Variants in UBE4B observed in about 807,000 individuals in gnomAD.
The protein encoded by UBE4B is ubiquitination factor E4B, also known as ubiquitin conjugation factor E4 B.
Under a neutral mutation model 148.1 loss-of-function variants are expected in UBE4B, and 27 were observed. The observed-to-expected ratio is 0.18, with a 90% CI of 0.13 to 0.25. The LOEUF (loss-of-function observed/expected upper bound fraction) is 0.25, where lower values mean the gene tolerates loss of function less well. UBE4B is among the 10% of genes least tolerant of loss of function. UBE4B has a pLI of 1.00. For synonymous variants in UBE4B, 596 were observed against 619.3 expected (o/e 0.96, Z 0.56); for missense variants, 1,170 against 1,662.4 (o/e 0.70, Z 5.15).
chr1:10,157,104 A>T (rs1427288444), intron 21 of UBE4B, among the ~76,000 whole-genome samples: 1 of 152,058 alleles, frequency 6.6e-6, no homozygotes, highest in Non-Finnish European at 1.5e-5. Context: ...CAACCTCTGT[A>T]TCTGGATTCA....
intron 23 of UBE4B, among the ~76,000 whole-genome samples, chr1:10,166,955 A>G (rs1488111192): frequency 7.2e-6 from 1 of 139,212 alleles, no homozygotes; most frequent in Non-Finnish European, 1.5e-5. Context: ...ACACACACAC[A>G]CACACACACA....
intron 21 of UBE4B, among the ~76,000 whole-genome samples, chr1:10,154,380 AT>A (rs1646032341): frequency 1.3e-5 from 2 of 152,010 alleles, no homozygotes; most frequent in Non-Finnish European, 1.5e-5. Flanking sequence ...ATCTAAAAAA[AT>A]TTTAAAAAAA....
intron 2 of UBE4B, among the ~76,000 whole-genome samples, chr1:10,092,988 T>C (rs1644874178): frequency 6.6e-6 from 1 of 152,240 alleles, no homozygotes; most frequent in South Asian, 2.1e-4. Context: ...TGAATTCAGA[T>C]GATCTCTTTG....
chr1:10,058,896 G>T (rs1167946387), intron 1 of UBE4B: 1 of 152,280 alleles, frequency 6.6e-6, no homozygotes, highest in East Asian at 1.9e-4. Context: ...CACTATAAGG[G>T]TCTGACTGGC....
intron 15 of UBE4B, 45 bp from the exon 16 acceptor site, chr1:10,134,943 T>A (rs79293532): frequency 1.3e-4 from 204 of 1,566,034 alleles, no homozygotes; most frequent in African/African-American, 9.9e-4. Flanking sequence ...TCAAAAAAAA[T>A]TTTTTTTAAT....
chr1:10,064,225 C>G (rs539680812), intron 1 of UBE4B, among the ~76,000 whole-genome samples: 1 of 152,228 alleles, frequency 6.6e-6, no homozygotes, highest in South Asian at 2.1e-4. Flanking sequence ...AAGTAGTAAG[C>G]ACATAGCATT....
chr1:10,181,190 TC>T lies in UBE4B; in HGVS notation c.*1235del, dbSNP rs1182864760. 6.7e-6 allele frequency: 1 copy of T among 148,910 alleles called. No individual in the cohort carries two copies. The highest frequency in any genetic ancestry group is 1.5e-5 in the Non-Finnish European group (1 of 67,454). 9.2% of individuals were successfully genotyped at this position (148,910 alleles called of 1,614,324 possible). On this transcript the variant is annotated 3_prime_UTR_variant, in exon 28 of 28. Transcript: ENST00000343090. ...TCCCTCCACAGACAATGTCCTCTGT[TC>T]AATTCCTAACGCAAACTACAATAAA...
chr1:10,148,804 G>C lies in UBE4B; in HGVS notation c.2592-380G>C, dbSNP rs567727583. Among the ~76,000 whole-genome samples the C allele has an allele frequency of 3.3e-5, 5 of 151,894 alleles. No individual in the cohort carries two copies. In the East Asian group the frequency reaches 7.7e-4, roughly 23 times the overall value. On this transcript the variant is annotated intron_variant, in intron 19 of 27. Transcript: ENST00000343090. ...AAAATACAAAAATTAGCCAGGTATG[G>C]TGGCACGTGCCTGTAATCTCAGCTA...
intron 1 of UBE4B, among the ~76,000 whole-genome samples, chr1:10,069,995 C>T (rs1644456488): frequency 6.6e-6 from 1 of 152,060 alleles, no homozygotes; most frequent in South Asian, 2.1e-4. Context: ...TGAAACTTGG[C>T]CCGGCATGGT....
chr1:10,061,177 C>T (rs1284012565), intron 1 of UBE4B, among the ~76,000 whole-genome samples: 1 of 152,176 alleles, frequency 6.6e-6, no homozygotes, highest in Non-Finnish European at 1.5e-5. Flanking sequence ...GGAATCCACC[C>T]TTTAATAACG....
intron 1 of UBE4B, among the ~76,000 whole-genome samples, chr1:10,046,780 A>G (rs1216830649): frequency 1.3e-5 from 2 of 152,178 alleles, no homozygotes; most frequent in Non-Finnish European, 2.9e-5. Flanking sequence ...TCTTGTGGAT[A>G]TTGAAGGAGT....
At chr1:10,049,037 G>C (rs1381593158) in intron 1 of UBE4B, among the ~76,000 whole-genome samples, 1 of 152,136 alleles carries the variant, frequency 6.6e-6, no homozygotes, top group African/African-American at 2.4e-5. Flanking sequence ...GAGGTTTTGG[G>C]CCTGAAGAGT....
chr1:10,086,480 G>A (rs1644768866), intron 2 of UBE4B, among the ~76,000 whole-genome samples: 1 of 152,002 alleles, frequency 6.6e-6, no homozygotes, highest in Admixed American at 6.6e-5. Context: ...AGGTATGGGG[G>A]GACTCAAAAT....
chr1:10,065,732 T>C (rs148298206), intron 1 of UBE4B, among the ~76,000 whole-genome samples: 2 of 152,260 alleles, frequency 1.3e-5, no homozygotes, highest in East Asian at 1.9e-4. Context: ...GAAATAATAA[T>C]GGTTTTCATT....
chr1:10,061,107 A>G (rs1644276556), intron 1 of UBE4B, among the ~76,000 whole-genome samples: 1 of 151,934 alleles, frequency 6.6e-6, no homozygotes, highest in African/African-American at 2.4e-5. Flanking sequence ...TATAAATGAG[A>G]TGCATTAATG....
chr1:10,103,315 A>C, intron 5 of UBE4B: 1 of 334,992 alleles, frequency 3.0e-6, no homozygotes, highest in Admixed American at 4.2e-5. Flanking sequence ...CTATAATACT[A>C]TGTAAATAGG....
chr1:10,100,609 C>T (rs1262977444), intron 3 of UBE4B, among the ~76,000 whole-genome samples: 1 of 152,178 alleles, frequency 6.6e-6, no homozygotes, highest in African/African-American at 2.4e-5. Flanking sequence ...GGCTGGAGTG[C>T]AATGGTGCGA....
chr1:10,146,855 G>A lies in UBE4B; in HGVS notation c.2464-108G>A, dbSNP rs1224324795. ...CTAGTTAGGAGATGAAGCTCTAGAAGCTCTGGAACCCAAATTTCCCATCTC... is the reference window on the plus strand; with the variant it reads ...CTAGTTAGGAGATGAAGCTCTAGAAACTCTGGAACCCAAATTTCCCATCTC... On this transcript the variant is annotated intron_variant, in intron 18 of 27. Coordinates refer to ENST00000343090, the MANE Select transcript of UBE4B (RefSeq NM_001105562.3). 7.3e-6 allele frequency: 10 copies of A among 1,379,052 alleles called. No individual in the cohort carries two copies. In the East Asian group the frequency reaches 9.4e-5, roughly 13 times the overall value. The allele number at this position is 1,379,052 out of a possible 1,614,324, so 85.4% of individuals were successfully genotyped here.
chr1:10,101,963 G>A (rs1299506565), intron 4 of UBE4B, among the ~76,000 whole-genome samples: 1 of 150,024 alleles, frequency 6.7e-6, no homozygotes, highest in Admixed American at 6.6e-5. Flanking sequence ...TGAGCTTAGT[G>A]CTCTGCATTT....
Sources: allele counts gnomAD v4.1 joint callset (sites outside exome capture counted in the v4.1 genomes callset), GRCh38; gene constraint gnomAD v4.1.1; transcripts MANE v1.5; gene names NCBI Gene and HGNC (gene_info 2026-07-23, HGNC 2026-07-21).